The following RASGRF2 variants were observed in gnomAD, a reference collection of about 807,000 sequenced individuals.
RASGRF2 encodes the protein ras-specific guanine nucleotide-releasing factor 2.
In RASGRF2, 76 loss-of-function variants were observed where a neutral mutation model predicts 151.0. The observed-to-expected ratio is 0.50, with a 90% CI of 0.42 to 0.61. The LOEUF is 0.61. Among genes scored for constraint, RASGRF2 ranks in the 20% least tolerant of loss-of-function variants. RASGRF2 has a pLI of 0.00. For synonymous variants in RASGRF2, 504 were observed against 566.5 expected (o/e 0.89, Z 1.57); for missense variants, 1,148 against 1,564.6 (o/e 0.73, Z 4.49).
intron 2 of RASGRF2, among the ~76,000 whole-genome samples, chr5:81,046,449 TC>T (rs1750839603): frequency 6.6e-6 from 1 of 152,154 alleles, no homozygotes; most frequent in Non-Finnish European, 1.5e-5. Flanking sequence ...TCCAAGAAGC[TC>T]ATTTTAATGT....
At chr5:81,138,766 GTT>G (rs70994422) in intron 17 of RASGRF2, among the ~76,000 whole-genome samples, 69 of 149,088 alleles carry the variant, frequency 4.6e-4, no homozygotes, top group Non-Finnish European at 6.8e-4. Context: ...GGATGTGCTT[GTT>G]TTTTTTTTTT....
chr5:81,058,867 A>T (rs532175084), intron 2 of RASGRF2, among the ~76,000 whole-genome samples: 1 of 151,994 alleles, frequency 6.6e-6, no homozygotes, highest in Non-Finnish European at 1.5e-5. Context: ...ATATTAGATC[A>T]TATTAGATGA....
chr5:81,062,130 C>T (rs1359886869), intron 2 of RASGRF2, among the ~76,000 whole-genome samples: 1 of 152,098 alleles, frequency 6.6e-6, no homozygotes, highest in African/African-American at 2.4e-5. Context: ...GCATAGGCCA[C>T]TGTGCCCAGC....
intron 1 of RASGRF2, among the ~76,000 whole-genome samples, chr5:80,970,920 C>T (rs951771863): frequency 4.6e-5 from 7 of 152,160 alleles, no homozygotes; most frequent in African/African-American, 1.4e-4. Context: ...TACATCCTCA[C>T]CTTATCAACA....
Position 81,122,940 on chromosome 5 carries a change from G to A in RASGRF2, c.2471-702G>A, listed in dbSNP as rs866851120. Among the ~76,000 whole-genome samples, 17 of 152,184 alleles carry A rather than the reference G, an allele frequency of 1.1e-4. No homozygotes were observed. The East Asian group carries it at 1.2e-3, about 10-fold the overall frequency. ...AATGGTTCATTTAAAAGATTTTCACGTGTTTCCTGCTGATCTGTAGCTCTA... is the reference window on the plus strand; with the variant it reads ...AATGGTTCATTTAAAAGATTTTCACATGTTTCCTGCTGATCTGTAGCTCTA... On this transcript the variant is annotated intron_variant, in intron 15 of 26. Coordinates refer to ENST00000265080, the MANE Select transcript of RASGRF2 (RefSeq NM_006909.3).
chr5:81,184,943 G>A lies in RASGRF2; in HGVS notation c.2793+4662G>A, dbSNP rs373410934. ...ACTTAACGTAATTATGTGTGTGGCC[G>A]GCTGTTAAATCGAATTCTTCAGATT... is the stretch of plus-strand genomic sequence containing the variant. On this transcript the variant is annotated intron_variant, in intron 18 of 26. Coordinates refer to ENST00000265080, the MANE Select transcript of RASGRF2 (RefSeq NM_006909.3). 3.5e-4 allele frequency among the ~76,000 whole-genome samples: 53 copies of A among 152,326 alleles called. No individual in the cohort carries two copies. In the East Asian group the frequency reaches 9.1e-3, roughly 26 times the overall value.
chr5:81,153,862 G>T (rs1324873589), intron 17 of RASGRF2, among the ~76,000 whole-genome samples: 1 of 150,636 alleles, frequency 6.6e-6, no homozygotes, highest in Admixed American at 6.6e-5. Flanking sequence ...GTAAAGGAAT[G>T]GAAAAAGATA....
chr5:80,979,674 A>T (rs1445272857), intron 1 of RASGRF2, among the ~76,000 whole-genome samples: 1 of 152,254 alleles, frequency 6.6e-6, no homozygotes, highest in Admixed American at 6.5e-5. Context: ...TTGTGTTTCA[A>T]AGATCTTTGC....
chr5:81,090,933 C>T (rs974695266), intron 9 of RASGRF2, among the ~76,000 whole-genome samples: 1 of 152,070 alleles, frequency 6.6e-6, no homozygotes, highest in Admixed American at 6.5e-5. Context: ...ATTTGTCCAC[C>T]AAGATTATTT....
At chr5:81,202,236 G>A (rs1554042023) in intron 19 of RASGRF2, among the ~76,000 whole-genome samples, 1 of 152,158 alleles carries the variant, frequency 6.6e-6, no homozygotes, top group Non-Finnish European at 1.5e-5. Context: ...CGTGCTTGGG[G>A]ATGGGAAGCC....
intron 1 of RASGRF2, among the ~76,000 whole-genome samples, chr5:80,995,691 C>CCG (rs916920766): frequency 1.0e-4 from 13 of 129,924 alleles, no homozygotes; most frequent in Admixed American, 2.4e-4. Flanking sequence ...CCTTCCCCCC[C>CCG]CCTTTTTTTT....
intron 17 of RASGRF2, among the ~76,000 whole-genome samples, chr5:81,177,117 G>A (rs1008371126): frequency 5.3e-5 from 8 of 152,092 alleles, no homozygotes; most frequent in Non-Finnish European, 7.4e-5. Context: ...AGCACAGCCA[G>A]CATCAGTTCA....
chr5:81,037,776 G>T lies in RASGRF2; in HGVS notation c.289-5101G>T, dbSNP rs147665774. ...GATTAAAAAAAGTCAAAATAAAAAG[G>T]TTTTTTTAAAGAAGAAAAATTCAGT... On this transcript the variant is annotated intron_variant, in intron 1 of 26. Transcript: ENST00000265080. 4.3e-3 allele frequency among the ~76,000 whole-genome samples: 654 copies of T among 152,172 alleles called. 3 individuals are homozygous for T. Among genetic ancestry groups the T allele is most frequent in the African/African-American group, 0.015 (611 of 41,548 alleles).
chr5:80,965,015 G>T lies in RASGRF2; in HGVS notation c.288+3989G>T, dbSNP rs1747679113. ...TCTTCAGCCTGATTTCACTTGTTTT[G>T]GGGGGTAAAATATCTCTTTCGCTCT... On this transcript the variant is annotated intron_variant, in intron 1 of 26. Transcript: ENST00000265080. Among the ~76,000 whole-genome samples, 3 of 151,996 alleles carry T rather than the reference G, an allele frequency of 2.0e-5. No homozygotes were observed. In the South Asian group the frequency reaches 6.2e-4, roughly 32 times the overall value.
chr5:81,127,365 T>A (rs534891786), intron 17 of RASGRF2, among the ~76,000 whole-genome samples: 40 of 152,076 alleles, frequency 2.6e-4, no homozygotes, highest in Admixed American at 6.5e-4. Context: ...CTATAAAAAA[T>A]TTTTAAAATT....
At chr5:81,112,486 C>G in intron 13 of RASGRF2, 124 bp from the exon 14 acceptor site, 1 of 1,278,714 alleles carries the variant, frequency 7.8e-7, no homozygotes, top group Non-Finnish European at 1.1e-6. Context: ...GCAATTATCT[C>G]TCTCCTATCA....
chr5:80,994,299 G>C (rs985311230), intron 1 of RASGRF2, among the ~76,000 whole-genome samples: 1 of 148,872 alleles, frequency 6.7e-6, no homozygotes, highest in Non-Finnish European at 1.5e-5. Flanking sequence ...CTGGGGGGCC[G>C]AGCTTGCAGT....
intron 19 of RASGRF2, among the ~76,000 whole-genome samples, chr5:81,202,123 AT>A (rs141401732): frequency 1.3e-5 from 2 of 149,296 alleles, no homozygotes; most frequent in Admixed American, 6.7e-5. Context: ...TGGTGGGTGG[AT>A]TTTTTTTTTG....
Position 81,201,346 on chromosome 5 carries a change from A to G in RASGRF2, c.2810A>G (p.Asn937Ser). 6.2e-7 allele frequency: 1 copy of G among 1,612,162 alleles called. No individual in the cohort carries two copies. Among genetic ancestry groups the G allele is most frequent in the Non-Finnish European group, 8.5e-7 (1 of 1,179,456 alleles). Residue 937 changes from asparagine to serine, a missense_variant, in exon 19 of 27, where the codon AAT becomes AGT. Physicochemically the swap from Asn to Ser is conservative, Grantham distance 46 (BLOSUM62 1). This residue lies in a region of RASGRF2 where 646 missense variants were observed against 807.4 expected (regional missense o/e 0.80). Transcript: ENST00000265080. Reference sequence around the variant, plus strand: ...ATTTTACAGGATTTCGAACTCAACAATGAACTAAAGATGAATGTCCTAAAT... The same window carrying G: ...ATTTTACAGGATTTCGAACTCAACAGTGAACTAAAGATGAATGTCCTAAAT... Reference protein sequence around the residue: ...SKHAQDFELNNELKMNVLNLL... With the variant: ...SKHAQDFELNSELKMNVLNLL...
Sources: allele counts gnomAD v4.1 joint callset (sites outside exome capture counted in the v4.1 genomes callset), GRCh38; gene constraint gnomAD v4.1.1; regional missense constraint gnomAD v4.1.1; transcripts MANE v1.5; gene names NCBI Gene and HGNC (gene_info 2026-07-23, HGNC 2026-07-21).